The following SLC26A7 variants were observed in gnomAD, a reference collection of about 807,000 sequenced individuals.
SLC26A7 encodes the protein solute carrier family 26 member 7, also known as anion exchange transporter.
In SLC26A7, 59 loss-of-function variants were observed where a neutral mutation model predicts 82.5. That is an observed-to-expected ratio of 0.72 (90% CI 0.58 to 0.89). The LOEUF (loss-of-function observed/expected upper bound fraction) is 0.89. Among genes scored for constraint, SLC26A7 ranks in the 40% least tolerant of loss-of-function variants. The pLI is 0.00. For synonymous variants in SLC26A7, 271 were observed against 274.3 expected (o/e 0.99, Z 0.12); for missense variants, 820 against 793.0 (o/e 1.03, Z -0.41).
Position 91,249,727 on chromosome 8 carries a change from CA to C in SLC26A7, c.77del (p.Gln26ArgfsTer18). 6.2e-7 allele frequency: 1 copy of C among 1,610,844 alleles called. No individual in the cohort carries two copies. Among genetic ancestry groups the C allele is most frequent in the Non-Finnish European group, 8.5e-7 (1 of 1,178,412 alleles). ...TACCCCCCAGTGTGAAGACATTATA[CA>C]GTGGTGTAGAAGGCGACTGCCCATT... ...MHTPQCEDIIQWCRRRLPILD... is the reference protein window; with the variant it reads ...MHTPQCEDIIXWCRRRLPILD... On this transcript the variant is annotated frameshift_variant, in exon 2 of 19. Transcript: ENST00000276609. LOFTEE classifies it high-confidence loss of function.
chr8:91,383,862 T>C (rs16912669), intron 15 of SLC26A7, among the ~76,000 whole-genome samples: 8,411 of 152,278 alleles, frequency 0.055, 259 homozygotes, highest in Middle Eastern at 0.092. Flanking sequence ...TTCATGCTCT[T>C]GTTCACTCAG....
At chr8:91,229,453 C>A (rs1354826009) in intron 2 of SLC26A7, among the ~76,000 whole-genome samples, 1 of 152,150 alleles carries the variant, frequency 6.6e-6, no homozygotes, top group Non-Finnish European at 1.5e-5. Context: ...GCAATGAACA[C>A]CCATATACTC....
intron 3 of SLC26A7, among the ~76,000 whole-genome samples, chr8:91,294,831 C>T (rs185305539): frequency 6.6e-6 from 1 of 152,272 alleles, no homozygotes; most frequent in African/African-American, 2.4e-5. Flanking sequence ...TATCTAACAA[C>T]AGTAGACAGA....
intron 4 of SLC26A7, among the ~76,000 whole-genome samples, chr8:91,302,203 A>G (rs1329420884): frequency 6.6e-6 from 1 of 152,092 alleles, no homozygotes; most frequent in Non-Finnish European, 1.5e-5. Context: ...AGATCAGTAT[A>G]TAGCTATTAG....
intron 15 of SLC26A7, among the ~76,000 whole-genome samples, chr8:91,375,741 A>G (rs979261205): frequency 6.7e-6 from 1 of 150,222 alleles, no homozygotes; most frequent in Non-Finnish European, 1.5e-5. Flanking sequence ...AGTATCTCAC[A>G]TGTGTTTTCT....
intron 3 of SLC26A7, among the ~76,000 whole-genome samples, chr8:91,294,093 A>G (rs1264655538): frequency 1.3e-5 from 2 of 152,262 alleles, no homozygotes; most frequent in Non-Finnish European, 2.9e-5. Flanking sequence ...AAAGAATGTT[A>G]TTCAATCTGC....
intron 15 of SLC26A7, among the ~76,000 whole-genome samples, chr8:91,381,779 G>C (rs1206610689): frequency 1.3e-5 from 2 of 152,042 alleles, no homozygotes; most frequent in Non-Finnish European, 2.9e-5. Flanking sequence ...GTAACGCCCT[G>C]CTGTACTCTC....
chr8:91,257,725 T>C (rs570592654), intron 2 of SLC26A7, among the ~76,000 whole-genome samples: 3 of 152,136 alleles, frequency 2.0e-5, no homozygotes, highest in Non-Finnish European at 2.9e-5. Context: ...TATTTTTTAT[T>C]TTAGGTTTGG....
At chr8:91,248,808 A>C (rs909766836), upstream of SLC26A7, among the ~76,000 whole-genome samples, 1 of 152,158 alleles carries the variant, frequency 6.6e-6, no homozygotes, top group African/African-American at 2.4e-5. Flanking sequence ...GAGAAAACTG[A>C]ATGAACAGTT....
chr8:91,316,451 A>ATTTTTTTTTTT lies in SLC26A7; in HGVS notation c.478-1736_478-1726dup, dbSNP rs58981485. 1.5e-4 allele frequency among the ~76,000 whole-genome samples: 5 copies of ATTTTTTTTTTT among 34,424 alleles called. 1 individual carries two copies. The highest frequency in any genetic ancestry group is 2.1e-4 in the Non-Finnish European group (4 of 18,848). 22.6% of individuals were successfully genotyped at this position (34,424 alleles called of 152,430 possible). On this transcript the variant is annotated intron_variant, in intron 4 of 18. Coordinates refer to ENST00000276609, the MANE Select transcript of SLC26A7 (RefSeq NM_052832.4). ...GAACTCGCTGCCACACTCAACACTA[A>ATTTTTTTTTTT]TTTTTTTTTTTTTTTTTTTTTTTTT...
chr8:91,289,313 A>G (rs1811800216), intron 3 of SLC26A7, 67 bp downstream of exon 3: 1 of 1,219,626 alleles, frequency 8.2e-7, no homozygotes. Flanking sequence ...ATTACTGATT[A>G]CATCTCCTTA....
intron 2 of SLC26A7, among the ~76,000 whole-genome samples, chr8:91,240,616 G>C (rs1810460953): frequency 6.6e-6 from 1 of 152,010 alleles, no homozygotes; most frequent in Non-Finnish European, 1.5e-5. Context: ...CATTCAATTT[G>C]ACTTCCTGAG....
chr8:91,265,045 C>G (rs1437016551), intron 2 of SLC26A7, among the ~76,000 whole-genome samples: 1 of 152,046 alleles, frequency 6.6e-6, no homozygotes, highest in African/African-American at 2.4e-5. Flanking sequence ...TCCCTCTCCC[C>G]CATCCCCTTC....
chr8:91,381,253 A>G (rs1362620964), intron 15 of SLC26A7, among the ~76,000 whole-genome samples: 1 of 152,162 alleles, frequency 6.6e-6, no homozygotes, highest in African/African-American at 2.4e-5. Context: ...GACAAATAAT[A>G]TGTAGAATGT....
rs146159038 is a variant in SLC26A7, at chr8:91,388,892, A to G, written c.1676-446A>G. ...TTTTTTAGAGTGATTCCAAAATTGTATACGCTTCAGGCACCACAAAACGGG... is the reference window on the plus strand; with the variant it reads ...TTTTTTAGAGTGATTCCAAAATTGTGTACGCTTCAGGCACCACAAAACGGG... On this transcript the variant is annotated intron_variant, in intron 15 of 18. Coordinates refer to ENST00000276609, the MANE Select transcript of SLC26A7 (RefSeq NM_052832.4). 5.2e-3 allele frequency among the ~76,000 whole-genome samples: 791 copies of G among 152,022 alleles called. 6 individuals carry two copies. The highest frequency in any genetic ancestry group is 0.018 in the African/African-American group (740 of 41,448).
intron 7 of SLC26A7, among the ~76,000 whole-genome samples, chr8:91,339,974 G>T (rs1286124946): frequency 1.3e-5 from 2 of 152,136 alleles, no homozygotes; most frequent in Admixed American, 1.3e-4. Flanking sequence ...ATGAACTCAA[G>T]AATTGTAGCT....
intron 4 of SLC26A7, among the ~76,000 whole-genome samples, chr8:91,306,075 C>A (rs1234217221): frequency 6.6e-6 from 1 of 152,160 alleles, no homozygotes; most frequent in Non-Finnish European, 1.5e-5. Context: ...AAATGTCTTG[C>A]TTTATTTTCT....
At position 91,295,715 on chromosome 8, in the gene SLC26A7, T is replaced by C. The variant is rs757381160; in HGVS notation, c.477+12T>C. On this transcript the variant is annotated intron_variant, in intron 4 of 18. Transcript: ENST00000276609. ...GAGGTGTGATTCAGGTAAGTGATAC[T>C]GACACTTGAGCACAAAGAAAGGGAC... The C allele has an allele frequency of 1.9e-6, 3 of 1,612,266 alleles. No homozygotes were observed. Among genetic ancestry groups the C allele is most frequent in the Admixed American group, 3.3e-5 (2 of 59,896 alleles).
chr8:91,285,850 AG>A (rs1811696759), intron 2 of SLC26A7, among the ~76,000 whole-genome samples: 1 of 152,242 alleles, frequency 6.6e-6, no homozygotes, highest in Non-Finnish European at 1.5e-5. Context: ...AGTATCTAAC[AG>A]AGGGGTTTTC....
Sources: gnomAD v4.1 joint callset for allele counts (sites outside exome capture counted in the v4.1 genomes callset) on GRCh38, gnomAD v4.1.1 for gene constraint, MANE v1.5 for transcripts, NCBI Gene and HGNC (gene_info 2026-07-23, HGNC 2026-07-21) for gene names.